The following CHURC1 variants were observed in gnomAD, a reference collection of about 807,000 sequenced individuals.
CHURC1 encodes the protein churchill domain containing 1.
CHURC1 carries 12 observed loss-of-function variants against 15.4 expected under a neutral mutation model. The observed-to-expected ratio is 0.78, with a 90% CI of 0.50 to 1.27. The LOEUF is 1.27. Ranked by LOEUF, CHURC1 falls within the 50% of genes most tolerant of loss-of-function variation. The pLI, the probability that CHURC1 is intolerant of heterozygous loss-of-function variation, is 0.00. For synonymous variants in CHURC1, 42 were observed against 47.5 expected, an observed-to-expected ratio of 0.88 and a Z score of 0.48; for missense variants, 132 against 137.8, an observed-to-expected ratio of 0.96 and a Z score of 0.21.
Position 64,933,292 on chromosome 14 carries a change from C to T in CHURC1, c.*1062C>T, listed in dbSNP as rs542988968. On this transcript the variant is annotated 3_prime_UTR_variant, in exon 4 of 4. Transcript: ENST00000549115. Reference sequence around the variant, plus strand: ...GTATCCTACATGGAATTATATACCACGAAAAGAAAAAAAGGTCATTTGGTA... The same window carrying T: ...GTATCCTACATGGAATTATATACCATGAAAAGAAAAAAAGGTCATTTGGTA... 1.2e-5 allele frequency: 10 copies of T among 844,330 alleles called. No homozygotes were observed. In the South Asian group the frequency reaches 1.6e-4, roughly 14 times the overall value. The allele number at this position is 844,330 out of a possible 1,614,324, so 52.3% of individuals were successfully genotyped here.
At chr14:64,929,217 C>T (rs939503146) in intron 3 of CHURC1, among the ~76,000 whole-genome samples, 2 of 152,140 alleles carry the variant, frequency 1.3e-5, no homozygotes, top group Non-Finnish European at 1.5e-5. Context: ...GTAAGCGATG[C>T]GCATGCTCTT....
chr14:64,927,494 G>A (rs1240186972), intron 3 of CHURC1, among the ~76,000 whole-genome samples: 2 of 152,260 alleles, frequency 1.3e-5, no homozygotes, highest in East Asian at 3.9e-4. Context: ...GAGGTTGCCT[G>A]TTTATGTCCT....
chr14:64,914,958 G>C (rs550875421), intron 1 of CHURC1, among the ~76,000 whole-genome samples: 1 of 152,366 alleles, frequency 6.6e-6, no homozygotes, highest in South Asian at 2.1e-4. Flanking sequence ...TGCCCAGAGA[G>C]GGGAAATCAC....
chr14:64,915,766 G>A (rs1201262182), intron 1 of CHURC1, among the ~76,000 whole-genome samples: 1 of 152,270 alleles, frequency 6.6e-6, no homozygotes, highest in East Asian at 1.9e-4. Flanking sequence ...ATGTGTATAT[G>A]CTTCTGAAGA....
chr14:64,928,259 G>C (rs1287651825), intron 3 of CHURC1, among the ~76,000 whole-genome samples: 1 of 151,874 alleles, frequency 6.6e-6, no homozygotes, highest in Admixed American at 6.6e-5. Flanking sequence ...CAGGTTGTTT[G>C]TTTGTTGCAA....
intron 1 of CHURC1, among the ~76,000 whole-genome samples, chr14:64,920,454 T>G (rs1884201683): frequency 6.6e-6 from 1 of 152,238 alleles, no homozygotes; most frequent in South Asian, 2.1e-4. Context: ...GTTAATAGTC[T>G]TGCCTCATCT....
chr14:64,919,683 G>T (rs1340541214), intron 1 of CHURC1, among the ~76,000 whole-genome samples: 2 of 152,104 alleles, frequency 1.3e-5, no homozygotes, highest in Non-Finnish European at 2.9e-5. Context: ...AGGAGTTTGA[G>T]ACCAGCCTGG....
intron 1 of CHURC1, among the ~76,000 whole-genome samples, chr14:64,920,300 C>G (rs915325505): frequency 3.3e-5 from 5 of 152,114 alleles, no homozygotes; most frequent in Admixed American, 3.3e-4. Flanking sequence ...CTAAACATGT[C>G]GACTTTTTTC....
At chr14:64,927,732 T>TCCCCCCCCCCCCCCCCCCCCCCACCCCCC (rs1566830855) in intron 3 of CHURC1, among the ~76,000 whole-genome samples, 1 of 106,676 alleles carries the variant, frequency 9.4e-6, no homozygotes, top group Non-Finnish European at 1.9e-5. Flanking sequence ...CCCCCCGCCG[T>TCCCCCCCCCCCCCCCCCCCCCCACCCCCC]CAATTCATAC....
At chr14:64,924,328 A>G in intron 2 of CHURC1, 2 of 525,276 alleles carry the variant, frequency 3.8e-6, no homozygotes, top group Non-Finnish European at 5.6e-6. Context: ...TTTTGCAGAT[A>G]ACTAAAGCTT....
At chr14:64,926,202 A>G in intron 3 of CHURC1, 122 bp downstream of exon 3, 1 of 381,034 alleles carries the variant, frequency 2.6e-6, no homozygotes, top group Admixed American at 4.2e-5. Flanking sequence ...ATATTAAAGG[A>G]GACTATGCCT....
At chr14:64,921,334 A>C (rs1275173143) in intron 1 of CHURC1, among the ~76,000 whole-genome samples, 1 of 152,190 alleles carries the variant, frequency 6.6e-6, no homozygotes, top group Non-Finnish European at 1.5e-5. Flanking sequence ...AAAAGAAAAA[A>C]TGTTAAATTG....
At chr14:64,920,564 T>G (rs977287032) in intron 1 of CHURC1, among the ~76,000 whole-genome samples, 1 of 152,204 alleles carries the variant, frequency 6.6e-6, no homozygotes, top group Non-Finnish European at 1.5e-5. Context: ...ATACTGTACT[T>G]GTATTTTGCC....
intron 2 of CHURC1, among the ~76,000 whole-genome samples, chr14:64,924,748 T>C (rs1884563642): frequency 6.6e-6 from 1 of 152,212 alleles, no homozygotes; most frequent in South Asian, 2.1e-4. Context: ...AAATCAATTC[T>C]GAGGTTAGCA....
chr14:64,915,662 G>C (rs1407332808), intron 1 of CHURC1, among the ~76,000 whole-genome samples: 2 of 152,198 alleles, frequency 1.3e-5, no homozygotes, highest in Non-Finnish European at 2.9e-5. Flanking sequence ...ATGTATAACA[G>C]TATGAATTCT....
Position 64,925,994 on chromosome 14 carries a change from C to G in CHURC1, c.176-16C>G. 1.3e-6 allele frequency: 2 copies of G among 1,583,334 alleles called. No homozygotes were observed. Among genetic ancestry groups the G allele is most frequent in the Non-Finnish European group, 1.7e-6 (2 of 1,165,176 alleles). ...CTCTAAGACTTAATTACGTAAGTCTCTCTTTGTTTTAGCAGATTTGTGTAA... is the reference window on the plus strand; with the variant it reads ...CTCTAAGACTTAATTACGTAAGTCTGTCTTTGTTTTAGCAGATTTGTGTAA... On this transcript the variant is annotated splice_polypyrimidine_tract_variant and intron_variant, in intron 2 of 3. Transcript: ENST00000549115.
chr14:64,919,912 GA>G, intron 1 of CHURC1, among the ~76,000 whole-genome samples: 1 of 150,494 alleles, frequency 6.6e-6, no homozygotes, highest in South Asian at 2.1e-4. Context: ...AAAGACAATG[GA>G]AAAAAAAGAG....
intron 3 of CHURC1, among the ~76,000 whole-genome samples, chr14:64,929,989 A>G (rs1312671473): frequency 6.6e-6 from 1 of 151,446 alleles, no homozygotes; most frequent in African/African-American, 2.4e-5. Flanking sequence ...AAGAAACAAG[A>G]CAGAAACTAT....
chr14:64,924,197 A>G, intron 2 of CHURC1, 71 bp downstream of exon 2: 1 of 1,477,984 alleles, frequency 6.8e-7, no homozygotes, highest in East Asian at 2.4e-5. Context: ...TATGTTACAC[A>G]AAATATTCTG....
Sources: allele counts gnomAD v4.1 joint callset (sites outside exome capture counted in the v4.1 genomes callset), GRCh38; gene constraint gnomAD v4.1.1; transcripts MANE v1.5; gene names NCBI Gene and HGNC (gene_info 2026-07-23, HGNC 2026-07-21).